The following ROBO2 variants were observed in gnomAD, a reference collection of about 807,000 sequenced individuals.
The protein encoded by ROBO2 is roundabout homolog 2.
Under a neutral mutation model 160.8 loss-of-function variants are expected in ROBO2, and 53 were observed. The observed-to-expected ratio is 0.33, with a 90% confidence interval of 0.26 to 0.41. The LOEUF (loss-of-function observed/expected upper bound fraction) is 0.41. Among genes scored for constraint, ROBO2 ranks in the 10% least tolerant of loss-of-function variants. ROBO2 has a pLI of 1.00. For missense variants in ROBO2, 1,577 were observed against 1,722.4 expected, an observed-to-expected ratio of 0.92 and a Z score of 1.49; for synonymous variants, 664 against 611.7, an observed-to-expected ratio of 1.09 and a Z score of -1.26.
At chr3:76,970,716 A>C (rs2149279988) in intron 2 of ROBO2, among the ~76,000 whole-genome samples, 1 of 152,342 alleles carries the variant, frequency 6.6e-6, no homozygotes, top group African/African-American at 2.4e-5. Flanking sequence ...ATGATAATAA[A>C]CCAATAGCAT....
At position 76,290,178 on chromosome 3, in the gene ROBO2, A is replaced by G. The variant is rs369234155; in HGVS notation, c.109+352576A>G. Among the ~76,000 whole-genome samples the G allele has an allele frequency of 1.2e-4, 18 of 152,132 alleles. 3 individuals are homozygous for G. The highest frequency in any genetic ancestry group is 3.9e-4 in the Admixed American group (6 of 15,260). On this transcript the variant is annotated intron_variant, in intron 2 of 26. Transcript: ENST00000487694. ...TGATTTCTTTCAGCAGTGTTTTGAAATCCTCACTGTAGGGATCTTTTCACT... is the reference window on the plus strand; with the variant it reads ...TGATTTCTTTCAGCAGTGTTTTGAAGTCCTCACTGTAGGGATCTTTTCACT...
intron 2 of ROBO2, among the ~76,000 whole-genome samples, chr3:76,639,577 C>T (rs141628512): frequency 3.7e-4 from 57 of 152,022 alleles, no homozygotes; most frequent in African/African-American, 1.3e-3. Flanking sequence ...ATGTCTATAC[C>T]ATCATTTCTA....
intron 2 of ROBO2, among the ~76,000 whole-genome samples, chr3:76,831,369 T>C (rs2067079811): frequency 6.6e-6 from 1 of 152,222 alleles, no homozygotes; most frequent in East Asian, 1.9e-4. Flanking sequence ...ATTACTGATT[T>C]GATAAATCTC....
intron 2 of ROBO2, among the ~76,000 whole-genome samples, chr3:76,306,278 G>A (rs1467413689): frequency 6.6e-6 from 1 of 151,894 alleles, no homozygotes; most frequent in Non-Finnish European, 1.5e-5. Flanking sequence ...CAAAAGCTTG[G>A]TGACAATTTT....
intron 1 of ROBO2, among the ~76,000 whole-genome samples, chr3:77,076,882 A>G (rs985964986): frequency 1.3e-5 from 2 of 152,186 alleles, no homozygotes; most frequent in Non-Finnish European, 2.9e-5. Context: ...GATACTGATT[A>G]GTGCAGATTT....
chr3:77,300,839 T>A (rs2153412042), intron 2 of ROBO2, among the ~76,000 whole-genome samples: 1 of 150,086 alleles, frequency 6.7e-6, no homozygotes, highest in East Asian at 1.9e-4. Flanking sequence ...TAAACTGAAA[T>A]AATAGACTAT....
chr3:76,258,428 A>G (rs1297793652), intron 2 of ROBO2, among the ~76,000 whole-genome samples: 1 of 152,002 alleles, frequency 6.6e-6, no homozygotes, highest in East Asian at 1.9e-4. Context: ...TTAAAAATCA[A>G]TGTAAATGTG....
At chr3:77,070,378 T>A (rs1268315069) in intron 1 of ROBO2, among the ~76,000 whole-genome samples, 3 of 152,126 alleles carry the variant, frequency 2.0e-5, no homozygotes, top group Non-Finnish European at 4.4e-5. Flanking sequence ...TCTATCTCCA[T>A]CTTCACATGG....
intron 2 of ROBO2, among the ~76,000 whole-genome samples, chr3:76,164,442 A>G (rs1057261479): frequency 3.3e-5 from 5 of 152,194 alleles, no homozygotes; most frequent in African/African-American, 1.2e-4. Context: ...ATTTATGGCA[A>G]CTATAGCCTT....
intron 2 of ROBO2, among the ~76,000 whole-genome samples, chr3:76,278,548 T>C (rs1280345604): frequency 1.3e-5 from 2 of 152,034 alleles, no homozygotes; most frequent in Non-Finnish European, 2.9e-5. Flanking sequence ...ACGGAAGCTT[T>C]TGAGGAGTCA....
intron 2 of ROBO2, among the ~76,000 whole-genome samples, chr3:77,411,927 T>C (rs529019935): frequency 6.6e-6 from 1 of 152,346 alleles, no homozygotes; most frequent in East Asian, 1.9e-4. Flanking sequence ...GTTCAAATGT[T>C]CAAATTACAT....
Position 76,497,169 on chromosome 3 carries a change from A to G in ROBO2, c.109+559567A>G, listed in dbSNP as rs986214655. Among the ~76,000 whole-genome samples the G allele has an allele frequency of 2.0e-5, 3 of 152,084 alleles. No homozygotes were observed. The East Asian group carries it at 5.8e-4, about 29-fold the overall frequency. ...GCACGTATACTTTTCTTTGATTGGA[A>G]TGATTGATCTCTGGCTATTTTTCAC... On this transcript the variant is annotated intron_variant, in intron 2 of 26. Coordinates refer to the ROBO2 transcript ENST00000487694.
chr3:76,701,891 T>C (rs552621767), intron 2 of ROBO2, among the ~76,000 whole-genome samples: 4 of 151,614 alleles, frequency 2.6e-5, no homozygotes, highest in African/African-American at 9.7e-5. Context: ...TTTAAAGAAG[T>C]TGTTCGGAGA....
At chr3:76,296,616 C>T (rs139304285) in intron 2 of ROBO2, among the ~76,000 whole-genome samples, 246 of 152,286 alleles carry the variant, frequency 1.6e-3, no homozygotes, top group African/African-American at 5.7e-3. Context: ...CCATAATTTA[C>T]CTATATACCT....
chr3:76,139,820 G>T (rs1288351131), intron 2 of ROBO2, among the ~76,000 whole-genome samples: 1 of 152,008 alleles, frequency 6.6e-6, no homozygotes, highest in South Asian at 2.1e-4. Flanking sequence ...GTAAAACATG[G>T]TGAAGTTTCG....
chr3:77,640,384 AT>A (rs1583462864), intron 24 of ROBO2, among the ~76,000 whole-genome samples: 2 of 152,172 alleles, frequency 1.3e-5, no homozygotes, highest in East Asian at 3.9e-4. Flanking sequence ...AAGTGCTGCG[AT>A]TTACAGGCGT....
At chr3:76,662,833 G>A (rs1406628920) in intron 2 of ROBO2, among the ~76,000 whole-genome samples, 1 of 152,092 alleles carries the variant, frequency 6.6e-6, no homozygotes, top group Non-Finnish European at 1.5e-5. Context: ...GAGGCAAGGA[G>A]TAAACTGATA....
intron 2 of ROBO2, among the ~76,000 whole-genome samples, chr3:76,000,489 AT>A (rs62945460): frequency 0.77 from 88,037 of 114,160 alleles, 36,112 homozygotes; most frequent in South Asian, 0.93. Context: ...TTGTGCGCTT[AT>A]TTTTTTTTTT....
intron 2 of ROBO2, among the ~76,000 whole-genome samples, chr3:76,201,142 T>C (rs1227871471): frequency 6.6e-6 from 1 of 152,176 alleles, no homozygotes; most frequent in African/African-American, 2.4e-5. Flanking sequence ...TTAATTTTTT[T>C]CTGAATCAGT....
Sources: allele counts gnomAD v4.1 joint callset (sites outside exome capture counted in the v4.1 genomes callset), GRCh38; gene constraint gnomAD v4.1.1; transcripts MANE v1.5; gene names NCBI Gene and HGNC (gene_info 2026-07-23, HGNC 2026-07-21).